BIRC6: variants seen among roughly 807,000 people sequenced by gnomAD.
The protein encoded by BIRC6 is dual E2 ubiquitin-conjugating enzyme/E3 ubiquitin-protein ligase BIRC6.
Under a neutral mutation model 503.3 loss-of-function variants are expected in BIRC6, and 98 were observed. The observed-to-expected ratio is 0.19, with a 90% CI of 0.17 to 0.23. BIRC6 has a LOEUF of 0.23. Ranked by LOEUF, BIRC6 falls within the 10% of genes least tolerant of loss-of-function variation. BIRC6 has a pLI of 1.00. For missense variants in BIRC6, 5,360 were observed against 5,806.0 expected, an observed-to-expected ratio of 0.92 and a Z score of 2.50; for synonymous variants, 2,240 against 2,078.7, an observed-to-expected ratio of 1.08 and a Z score of -2.11.
rs147371379 is a variant in BIRC6, at chr2:32,468,457, G to A, written c.5801G>A (p.Arg1934His). The A allele has an allele frequency of 1.5e-5, 23 of 1,580,192 alleles. No individual in the cohort carries two copies. The highest frequency in any genetic ancestry group is 1.0e-4 in the South Asian group (9 of 87,190). ...TTTAGGTATAACTTGGCTTGTCATC[G>A]TCTGGAAACCCTTTTGCAAAGTATT... ...IQCRYNLACH[R>H]LETLLQSIDL... Residue 1934 changes from arginine (R) to histidine (H), a missense_variant, in exon 29 of 74, where the codon CGT (arginine) becomes CAT (histidine). Arg to His is a conservative substitution (Grantham distance 29, BLOSUM62 0). Transcript: ENST00000421745.
chr2:32,465,537 C>A (rs982544923), intron 26 of BIRC6, among the ~76,000 whole-genome samples: 6 of 152,130 alleles, frequency 3.9e-5, no homozygotes, highest in African/African-American at 1.4e-4. Context: ...AACAGAACTA[C>A]TGCTTACTGT....
chr2:32,547,566 C>A (rs1195955406), intron 63 of BIRC6, among the ~76,000 whole-genome samples: 1 of 152,126 alleles, frequency 6.6e-6, no homozygotes, highest in Admixed American at 6.5e-5. Flanking sequence ...CAATAAATAT[C>A]CTGTTTGTTG....
chr2:32,607,433 G>A (rs1559148209), intron 71 of BIRC6, 22 bp from the exon 72 acceptor site: 4 of 1,464,140 alleles, frequency 2.7e-6, no homozygotes, highest in Non-Finnish European at 9.1e-7. Flanking sequence ...CATCATAGCT[G>A]TTCTTTTCCT....
chr2:32,520,121 G>A (rs114237266), intron 57 of BIRC6, among the ~76,000 whole-genome samples: 2 of 152,140 alleles, frequency 1.3e-5, no homozygotes, highest in Non-Finnish European at 2.9e-5. Context: ...AAGAATAGGA[G>A]TATCTAAGAA....
chr2:32,451,793 A>T (rs2046760701), intron 22 of BIRC6, among the ~76,000 whole-genome samples: 1 of 152,224 alleles, frequency 6.6e-6, no homozygotes, highest in African/African-American at 2.4e-5. Flanking sequence ...AGTGAATGAG[A>T]AACATCTCCC....
At chr2:32,498,363 A>C (rs2052740827) in intron 45 of BIRC6, among the ~76,000 whole-genome samples, 2 of 152,092 alleles carry the variant, frequency 1.3e-5, no homozygotes, top group South Asian at 4.2e-4. Flanking sequence ...ATAACCGAAA[A>C]TTTTTAATAT....
At chr2:32,445,390 G>A (rs930358347) in intron 20 of BIRC6, 131 bp from the exon 21 acceptor site, 5 of 931,640 alleles carry the variant, frequency 5.4e-6, no homozygotes, top group South Asian at 2.2e-5. Flanking sequence ...TTGCCTATAA[G>A]ATTGTCTTTC....
intron 65 of BIRC6, among the ~76,000 whole-genome samples, chr2:32,552,148 T>C (rs1572962890): frequency 6.6e-6 from 1 of 152,212 alleles, no homozygotes; most frequent in East Asian, 1.9e-4. Context: ...CCATTAATTT[T>C]AAATGTCAAT....
intron 61 of BIRC6, among the ~76,000 whole-genome samples, chr2:32,542,191 C>T (rs1037885028): frequency 6.6e-6 from 1 of 151,852 alleles, no homozygotes; most frequent in African/African-American, 2.4e-5. Flanking sequence ...GACCCAGAAG[C>T]AGACTCCCCC....
At chr2:32,433,164 C>T (rs2044327437) in intron 12 of BIRC6, among the ~76,000 whole-genome samples, 1 of 151,988 alleles carries the variant, frequency 6.6e-6, no homozygotes, top group African/African-American at 2.4e-5. Flanking sequence ...TGGGTTTTTT[C>T]ATAATGAGTT....
chr2:32,374,893 C>G (rs1024974572), intron 1 of BIRC6, among the ~76,000 whole-genome samples: 3 of 152,128 alleles, frequency 2.0e-5, no homozygotes, highest in African/African-American at 4.8e-5. Flanking sequence ...TGTGAGCCAC[C>G]ATGCTGACGC....
intron 71 of BIRC6, among the ~76,000 whole-genome samples, chr2:32,606,818 C>T (rs1309074786): frequency 1.3e-5 from 2 of 151,914 alleles, no homozygotes; most frequent in East Asian, 1.9e-4. Context: ...CCAGCCTGGC[C>T]AACATGATGA....
chr2:32,413,116 C>G (rs2042066173), intron 9 of BIRC6, among the ~76,000 whole-genome samples: 1 of 150,178 alleles, frequency 6.7e-6, no homozygotes, highest in Admixed American at 6.6e-5. Flanking sequence ...TCAGGTTATT[C>G]TAGTGCCTCA....
intron 12 of BIRC6, among the ~76,000 whole-genome samples, chr2:32,432,856 G>C (rs762868554): frequency 2.6e-5 from 4 of 152,040 alleles, no homozygotes; most frequent in Non-Finnish European, 5.9e-5. Context: ...ATTTTACAAA[G>C]ATTACTTTGA....
rs2036972078 is a variant in BIRC6, at chr2:32,377,415, G to A, written c.326-173G>A. On this transcript the variant is annotated intron_variant, in intron 1 of 73. Coordinates refer to ENST00000421745, the MANE Select transcript of BIRC6 (RefSeq NM_016252.4). ...ACATTGATACTTTTATCTAATTTAT[G>A]GTACATATTTGAATTTAATCCAGTT... 6.6e-6 allele frequency among the ~76,000 whole-genome samples: 1 copy of A among 151,942 alleles called. No individual in the cohort carries two copies. Among genetic ancestry groups the A allele is most frequent in the Admixed American group, 6.6e-5 (1 of 15,248 alleles).
intron 1 of BIRC6, among the ~76,000 whole-genome samples, chr2:32,372,265 A>C (rs146821698): frequency 8.5e-5 from 13 of 152,318 alleles, no homozygotes; most frequent in African/African-American, 3.1e-4. Context: ...CAACACCTGA[A>C]AAAATTCCCT....
chr2:32,399,246 T>A (rs1341786071), intron 6 of BIRC6, among the ~76,000 whole-genome samples: 1 of 152,076 alleles, frequency 6.6e-6, no homozygotes. Flanking sequence ...CCACAATGCC[T>A]AGCTAATATA....
chr2:32,380,180 G>A lies in BIRC6; in HGVS notation c.535G>A (p.Glu179Lys). 2 of 1,570,546 alleles carry A rather than the reference G, an allele frequency of 1.3e-6. No homozygotes were observed. The highest frequency in any genetic ancestry group is 1.7e-6 in the Non-Finnish European group (2 of 1,162,030). The change falls in exon 3 of 74, where the codon GAA (glutamate) becomes AAA (lysine). Residue 179 changes from glutamate (E) to lysine (K), a missense_variant. Glu to Lys is a moderately conservative substitution (Grantham distance 56). This residue lies in a region of BIRC6 where 134 missense variants were observed against 150.9 expected (regional missense o/e 0.89). Coordinates refer to ENST00000421745, the MANE Select transcript of BIRC6 (RefSeq NM_016252.4). ...EAQQLLSACL[E>K]KVDISSTEGY... is the part of the protein sequence containing the mutation. ...ACAGCAGCTCTTATCAGCATGTTTA[G>A]AAAAGGTAGATATTTCTAGTACAGA...
intron 8 of BIRC6, 102 bp downstream of exon 8, chr2:32,401,725 C>G: frequency 9.6e-7 from 1 of 1,038,228 alleles, no homozygotes; most frequent in Non-Finnish European, 1.4e-6. Flanking sequence ...AAAAAAGTTA[C>G]GCAGTTAAGA....
Sources: gnomAD v4.1 joint callset for allele counts (sites outside exome capture counted in the v4.1 genomes callset) on GRCh38, gnomAD v4.1.1 for gene constraint, gnomAD v4.1.1 regional missense constraint, MANE v1.5 for transcripts, NCBI Gene and HGNC (gene_info 2026-07-23, HGNC 2026-07-21) for gene names.